The following MAF variants were observed in gnomAD, a reference collection of about 807,000 sequenced individuals.
MAF encodes the protein transcription factor Maf.
Under a neutral mutation model 22.0 loss-of-function variants are expected in MAF, and 10 were observed. The ratio of observed to expected loss-of-function variants is 0.45; its 90% CI spans 0.28 to 0.77. The LOEUF is 0.77. Ranked by LOEUF, MAF falls within the 30% of genes least tolerant of loss-of-function variation. The probability of loss-of-function intolerance (pLI) is 0.12; values close to 1 mark genes in which losing one functional copy is unlikely to be tolerated. For missense variants in MAF, 544 were observed against 548.4 expected (o/e 0.99, Z 0.08); for synonymous variants, 337 against 255.8 (o/e 1.32, Z -3.03).
chr16:79,270,943 C>T, the MAF span, among the ~76,000 whole-genome samples: 1 of 151,648 alleles, frequency 6.6e-6, no homozygotes, highest in Non-Finnish European at 1.5e-5. Context: ...TCTTTTCACC[C>T]AGGATAGAGT....
chr16:79,329,403 A>G, the MAF span, among the ~76,000 whole-genome samples: 2 of 152,300 alleles, frequency 1.3e-5, no homozygotes, highest in African/African-American at 4.8e-5. Flanking sequence ...CACGCAAATG[A>G]GATTTCACAA....
the MAF span, among the ~76,000 whole-genome samples, chr16:79,355,117 C>G: frequency 6.6e-6 from 1 of 152,316 alleles, no homozygotes; most frequent in South Asian, 2.1e-4. Context: ...ATAATCTCCA[C>G]TTTAGGACAA....
chr16:79,324,802 G>T, the MAF span, among the ~76,000 whole-genome samples: 2 of 152,334 alleles, frequency 1.3e-5, no homozygotes, highest in East Asian at 3.9e-4. Context: ...CACAAACTTG[G>T]TGGCTTAAAA....
At chr16:79,390,999 G>A in the MAF span, among the ~76,000 whole-genome samples, 3 of 152,118 alleles carry the variant, frequency 2.0e-5, no homozygotes, top group South Asian at 2.1e-4. Flanking sequence ...GCATTGTCTC[G>A]ATGATGGCTC....
chr16:79,557,562 G>A, the MAF span, among the ~76,000 whole-genome samples: 66,099 of 151,854 alleles, frequency 0.44, 16,055 homozygotes, highest in Non-Finnish European at 0.55. Context: ...GGCCTTGGGC[G>A]TGTTACAGCC....
chr16:79,484,114 G>C, the MAF span, among the ~76,000 whole-genome samples: 3 of 152,152 alleles, frequency 2.0e-5, no homozygotes, highest in African/African-American at 7.2e-5. Flanking sequence ...ACCCCTTGAT[G>C]GGGTCTATTG....
chr16:79,266,863 G>C, the MAF span, among the ~76,000 whole-genome samples: 6 of 152,202 alleles, frequency 3.9e-5, no homozygotes, highest in Admixed American at 3.9e-4. Flanking sequence ...CTCATGAAGA[G>C]GAGATGAGGA....
the MAF span, among the ~76,000 whole-genome samples, chr16:79,512,459 G>C: frequency 6.6e-6 from 1 of 152,106 alleles, no homozygotes; most frequent in African/African-American, 2.4e-5. Flanking sequence ...CCATGGAGCA[G>C]ATGTGATCAG....
chr16:79,481,059 A>G, the MAF span, among the ~76,000 whole-genome samples: 3 of 152,248 alleles, frequency 2.0e-5, no homozygotes, highest in African/African-American at 4.8e-5. Flanking sequence ...TTCACTTAGT[A>G]TCAGTCCTAA....
At chr16:79,504,503 T>G in the MAF span, among the ~76,000 whole-genome samples, 1 of 152,204 alleles carries the variant, frequency 6.6e-6, no homozygotes, top group South Asian at 2.1e-4. Context: ...GAAGATTAGG[T>G]GGGAATCCCA....
At chr16:79,432,174 G>A in the MAF span, among the ~76,000 whole-genome samples, 32 of 152,262 alleles carry the variant, frequency 2.1e-4, no homozygotes, top group Middle Eastern at 3.4e-3. Context: ...CATGAGATCT[G>A]ATGGTTTTAG....
the MAF span, chr16:79,212,193 T>G: frequency 1.4e-6 from 2 of 1,463,196 alleles, no homozygotes; most frequent in Non-Finnish European, 1.8e-6. Context: ...GGGCTGGCCT[T>G]CTCCTACTTA....
the MAF span, among the ~76,000 whole-genome samples, chr16:79,412,373 G>A: frequency 2.6e-5 from 4 of 152,156 alleles, no homozygotes; most frequent in Non-Finnish European, 5.9e-5. Context: ...ATTGGCTTTA[G>A]GGTCCCCATG....
At chr16:79,472,534 A>G in the MAF span, among the ~76,000 whole-genome samples, 1 of 152,164 alleles carries the variant, frequency 6.6e-6, no homozygotes, top group African/African-American at 2.4e-5. Context: ...GCAATGTTGT[A>G]TGATTCCATC....
chr16:79,396,313 T>G, the MAF span, among the ~76,000 whole-genome samples: 1 of 152,054 alleles, frequency 6.6e-6, no homozygotes, highest in Non-Finnish European at 1.5e-5. Flanking sequence ...AGAAAACACA[T>G]AGGTTTAACT....
the MAF span, among the ~76,000 whole-genome samples, chr16:79,349,157 G>T: frequency 3.3e-5 from 5 of 152,226 alleles, no homozygotes; most frequent in Non-Finnish European, 7.3e-5. Context: ...AGAAAAAGGA[G>T]GCTCAGAGAC....
At chr16:79,290,561 G>A in the MAF span, among the ~76,000 whole-genome samples, 112 of 151,840 alleles carry the variant, frequency 7.4e-4, 1 homozygote, top group Middle Eastern at 6.8e-3. Flanking sequence ...ATGCTGCGAC[G>A]TGTGTGTACA....
intron 1 of MAF, among the ~76,000 whole-genome samples, chr16:79,586,328 A>C (rs1311833064): frequency 6.6e-6 from 1 of 151,914 alleles, no homozygotes; most frequent in African/African-American, 2.4e-5. Context: ...TCTCTCAAGG[A>C]CTCTCAGGCT....
At chr16:79,326,273 G>A in the MAF span, among the ~76,000 whole-genome samples, 5 of 152,072 alleles carry the variant, frequency 3.3e-5, no homozygotes, top group East Asian at 7.7e-4. Flanking sequence ...AGGCTTAAAT[G>A]CACTAAAATG....
Sources: allele counts gnomAD v4.1 joint callset (sites outside exome capture counted in the v4.1 genomes callset), GRCh38; gene constraint gnomAD v4.1.1; transcripts MANE v1.5; gene names NCBI Gene and HGNC (gene_info 2026-07-23, HGNC 2026-07-21).